The following SPHK2 variants were observed in gnomAD, a reference collection of about 807,000 sequenced individuals.
The protein encoded by SPHK2 is sphingosine kinase 2.
Under a neutral mutation model 32.3 loss-of-function variants are expected in SPHK2, and 18 were observed. That is an observed-to-expected ratio of 0.56 (90% CI 0.39 to 0.83). SPHK2 has a LOEUF of 0.83. Ranked by LOEUF, SPHK2 falls within the 40% of genes least tolerant of loss-of-function variation. The probability of loss-of-function intolerance (pLI) is 0.00; values close to 1 mark genes in which losing one functional copy is unlikely to be tolerated. For synonymous variants in SPHK2, 462 were observed against 417.6 expected (o/e 1.11, Z -1.30); for missense variants, 850 against 908.7 (o/e 0.94, Z 0.83).
In SPHK2 at chr19:48,629,601, C is replaced by T. The variant is rs2147702773; in HGVS notation, c.1793C>T (p.Pro598Leu). 6.3e-7 allele frequency: 1 copy of T among 1,599,040 alleles called. No individual in the cohort carries two copies. The highest frequency in any genetic ancestry group is 2.3e-5 in the East Asian group (1 of 44,094). The change falls in exon 7 of 7, where the codon CCG (proline) becomes CTG (leucine). Residue 598 changes from proline to leucine, a missense_variant. By Grantham distance (98) the Pro-to-Leu change is moderately conservative. Around this residue, in one of 2 missense-constraint regions of SPHK2, gnomAD observed 306 missense variants for 268.6 expected, o/e 1.14. Transcript: ENST00000245222. ...ERGSHFSLGC[P>L]QLGYAAARAF... Reference sequence around the variant, plus strand: ...GGTAGCCACTTCAGCCTGGGCTGTCCGCAGCTGGGCTACGCCGCGGCCCGT... The same window carrying T: ...GGTAGCCACTTCAGCCTGGGCTGTCTGCAGCTGGGCTACGCCGCGGCCCGT...
At chr19:48,620,350 G>A in intron 1 of SPHK2, 52 bp from the exon 2 acceptor site, 1 of 562,708 alleles carries the variant, frequency 1.8e-6, no homozygotes. Context: ...GCCTGGAAGG[G>A]CCTCCTGCAG....
In SPHK2 at chr19:48,630,112, T is replaced by G. The variant is rs2030474594; in HGVS notation, c.*339T>G. The stretch of plus-strand genomic sequence containing the variant: ...CTGAGGGCGGAGTCTATTTTACGCG[T>G]CGCCCAATGACAGGACCTGGAATGT... On this transcript the variant is annotated 3_prime_UTR_variant, in exon 7 of 7. Transcript: ENST00000245222. The surrounding 1 kb of genome is among the most constrained non-coding windows in gnomAD (Gnocchi z 4.9). 4 of 1,256,392 alleles carry G rather than the reference T, an allele frequency of 3.2e-6. No homozygotes were observed. The highest frequency in any genetic ancestry group is 4.0e-6 in the Non-Finnish European group (4 of 998,912). 77.8% of individuals were successfully genotyped at this position (1,256,392 alleles called of 1,614,324 possible).
chr19:48,622,113 C>G (rs923218567), intron 2 of SPHK2, among the ~76,000 whole-genome samples: 1 of 151,970 alleles, frequency 6.6e-6, no homozygotes, highest in Admixed American at 6.6e-5. Context: ...AAAAATTAGC[C>G]GGGCATGGTG....
At chr19:48,623,055 T>C (rs996929868) in intron 2 of SPHK2, among the ~76,000 whole-genome samples, 3 of 151,316 alleles carry the variant, frequency 2.0e-5, no homozygotes, top group Admixed American at 6.6e-5. Flanking sequence ...CTATCCTGGC[T>C]AACACGGTGA....
In SPHK2 at chr19:48,628,758, A is replaced by C; in HGVS notation, c.950A>C (p.Asp317Ala). 6.2e-7 allele frequency: 1 copy of C among 1,613,200 alleles called. No homozygotes were observed. Among genetic ancestry groups the C allele is most frequent in the Non-Finnish European group, 8.5e-7 (1 of 1,180,000 alleles). The part of the protein sequence containing the change: ...LLCRGGGHPL[D>A]LLSVTLASGS... The stretch of plus-strand genomic sequence containing the variant: ...TGCCGGGGTGGTGGCCACCCACTGG[A>C]CCTGCTCTCCGTGACGCTGGCCTCG... The change falls in exon 7 of 7, where the codon GAC (aspartate) becomes GCC (alanine). Residue 317 changes from aspartate (D) to alanine (A), a missense_variant. Physicochemically the swap from Asp to Ala is moderately radical, Grantham distance 126 (BLOSUM62 -2). This residue lies in a region of SPHK2 where 544 missense variants were observed against 640.0 expected (regional missense o/e 0.85). Coordinates refer to ENST00000245222, the MANE Select transcript of SPHK2 (RefSeq NM_020126.5). This position sits in a 1 kb window ranked among gnomAD's most constrained non-coding sequence, Gnocchi z 5.2.
chr19:48,620,732 T>C, intron 2 of SPHK2, 179 bp downstream of exon 2: 1 of 565,428 alleles, frequency 1.8e-6, no homozygotes, highest in Middle Eastern at 4.8e-4. Flanking sequence ...GAGATCAGCC[T>C]GGCCAACATG....
chr19:48,625,050 C>G (rs1974550605), intron 2 of SPHK2: 1 of 992,148 alleles, frequency 1.0e-6, no homozygotes, highest in Non-Finnish European at 1.2e-6. Flanking sequence ...CACCCGCTCC[C>G]TGGAGAGCAG....
rs763559769 is a variant in SPHK2 at position 48,628,288 on chromosome 19, G to T, written c.872+11G>T. 1.2e-6 allele frequency: 2 copies of T among 1,611,666 alleles called. No individual in the cohort carries two copies. The highest frequency in any genetic ancestry group is 3.3e-5 in the Admixed American group (2 of 60,018). On this transcript the variant is annotated intron_variant, in intron 6 of 6. Coordinates refer to ENST00000245222, the MANE Select transcript of SPHK2 (RefSeq NM_020126.5). The surrounding 1 kb of genome is among the most constrained non-coding windows in gnomAD (Gnocchi z 5.2). ...GAACCAGCACGGGGGGTAGGTTGAGGATACCACGAAGGGAGGGATGAGCCC... is the reference window on the plus strand; with the variant it reads ...GAACCAGCACGGGGGGTAGGTTGAGTATACCACGAAGGGAGGGATGAGCCC...
intron 2 of SPHK2, 139 bp from the exon 3 acceptor site, chr19:48,625,752 T>C (rs1257839641): frequency 6.5e-7 from 1 of 1,535,472 alleles, no homozygotes; most frequent in South Asian, 1.2e-5. Context: ...CCCACACCTG[T>C]CTGAGCCTGT....
chr19:48,623,516 C>G (rs978520795), intron 2 of SPHK2: 1 of 152,302 alleles, frequency 6.6e-6, no homozygotes, highest in African/African-American at 2.4e-5. Context: ...GTCTTTGCCT[C>G]GGTGCATCTG....
At chr19:48,624,830 TA>T (rs1974540883) in intron 2 of SPHK2, 8 of 804,840 alleles carry the variant, frequency 9.9e-6, no homozygotes, top group South Asian at 1.2e-4. Context: ...CCGCTGGGGA[TA>T]GGGGGGCAGA....
Position 48,628,726 on chromosome 19 carries a change from G to A in SPHK2, c.918G>A (p.Leu306=). The A allele has an allele frequency of 6.2e-7, 1 of 1,613,018 alleles. No individual in the cohort carries two copies. Reference sequence around the variant, plus strand: ...TCGACCTGTTGCTCAACTGCTCACTGTTGCTGTGCCGGGGTGGTGGCCACC... The same window carrying A: ...TCGACCTGTTGCTCAACTGCTCACTATTGCTGTGCCGGGGTGGTGGCCACC... ...LGLDLLLNCS[L]LLCRGGGHPL... Residue 306 remains leucine, a synonymous_variant, in exon 7 of 7, where the codon CTG becomes CTA. Coordinates refer to ENST00000245222, the MANE Select transcript of SPHK2 (RefSeq NM_020126.5). The surrounding 1 kb of genome is among the most constrained non-coding windows in gnomAD (Gnocchi z 5.2).
chr19:48,622,755 CTCTTTTTT>C (rs1568428837), intron 2 of SPHK2, among the ~76,000 whole-genome samples: 1 of 133,392 alleles, frequency 7.5e-6, no homozygotes, highest in African/African-American at 2.8e-5. Context: ...ACATTTGTCT[CTCTTTTTT>C]TTTTTTTTTT....
chr19:48,621,629 A>G (rs992937100), intron 2 of SPHK2, among the ~76,000 whole-genome samples: 1 of 152,164 alleles, frequency 6.6e-6, no homozygotes, highest in Non-Finnish European at 1.5e-5. Context: ...TTTATTATTT[A>G]GGTGCACTGG....
chr19:48,622,258 CAA>C (rs201559091), intron 2 of SPHK2, among the ~76,000 whole-genome samples: 109 of 109,706 alleles, frequency 9.9e-4, no homozygotes, highest in African/African-American at 3.1e-3. Flanking sequence ...AACTCCGTCT[CAA>C]AAAAAAAAAA....
Position 48,630,104 on chromosome 19 carries a change from T to G in SPHK2, c.*331T>G. ...CAGGATGGCTGAGGGCGGAGTCTAT[T>G]TTACGCGTCGCCCAATGACAGGACC... is the stretch of plus-strand genomic sequence containing the variant. On this transcript the variant is annotated 3_prime_UTR_variant, in exon 7 of 7. Transcript: ENST00000245222. This position sits in a 1 kb window ranked among gnomAD's most constrained non-coding sequence, Gnocchi z 4.9. 1 of 1,261,056 alleles carries G rather than the reference T, an allele frequency of 7.9e-7. No individual in the cohort carries two copies. Among genetic ancestry groups the G allele is most frequent in the East Asian group, 3.1e-5 (1 of 31,920 alleles). 78.1% of individuals were successfully genotyped at this position (1,261,056 alleles called of 1,614,324 possible).
chr19:48,620,785 A>T, intron 2 of SPHK2: 1 of 443,304 alleles, frequency 2.3e-6, no homozygotes, highest in East Asian at 4.1e-5. Context: ...TTAGCCAGGC[A>T]TGGTGATGCG....
chr19:48,626,219 G>GC lies in SPHK2; in HGVS notation c.370dup (p.Arg124ProfsTer52). 1 of 1,594,942 alleles carries GC rather than the reference G, an allele frequency of 6.3e-7. No individual in the cohort carries two copies. The highest frequency in any genetic ancestry group is 8.5e-7 in the Non-Finnish European group (1 of 1,176,188). On this transcript the variant is annotated frameshift_variant, in exon 3 of 7. Coordinates refer to ENST00000245222, the MANE Select transcript of SPHK2 (RefSeq NM_020126.5). LOFTEE classifies it high-confidence loss of function. Reference sequence around the variant, plus strand: ...TTCTGCATCTACACCTACCCTCGGGGCCGGCGCGGGGCCCGGCGCAGAGCC... The same window carrying GC: ...TTCTGCATCTACACCTACCCTCGGGGCCCGGCGCGGGGCCCGGCGCAGAGCC...
chr19:48,626,541 G>A, intron 3 of SPHK2, 179 bp downstream of exon 3: 2 of 815,032 alleles, frequency 2.5e-6, no homozygotes, highest in Non-Finnish European at 3.6e-6. Flanking sequence ...AGGACCGGAT[G>A]TGGTGGCTCA....
Sources: gnomAD v4.1 joint callset for allele counts (sites outside exome capture counted in the v4.1 genomes callset) on GRCh38, gnomAD v4.1.1 for gene constraint, gnomAD v4.1.1 regional missense constraint, Gnocchi (gnomAD v3.1) non-coding constraint, MANE v1.5 for transcripts, NCBI Gene and HGNC (gene_info 2026-07-23, HGNC 2026-07-21) for gene names.